The following NINL variants were observed in gnomAD, a reference collection of about 807,000 sequenced individuals.
The protein encoded by NINL is ninein-like protein.
Under a neutral mutation model 160.3 loss-of-function variants are expected in NINL, and 153 were observed. The observed-to-expected ratio is 0.95, with a 90% CI of 0.84 to 1.09. The LOEUF (loss-of-function observed/expected upper bound fraction) is 1.09, where lower values mean the gene tolerates loss of function less well. Ranked by LOEUF, NINL falls within the 50% of genes least tolerant of loss-of-function variation. The pLI is 0.00. For synonymous variants in NINL, 800 were observed against 734.8 expected (o/e 1.09, Z -1.43); for missense variants, 1,829 against 1,764.0 (o/e 1.04, Z -0.66).
At chr20:25,472,813 T>C (rs1299430105) in intron 17 of NINL, among the ~76,000 whole-genome samples, 3 of 152,302 alleles carry the variant, frequency 2.0e-5, no homozygotes, top group African/African-American at 4.8e-5. Flanking sequence ...GCTGGGACAA[T>C]GTTTTCTAAG....
chr20:25,569,362 T>C (rs2065029726), intron 1 of NINL, among the ~76,000 whole-genome samples: 1 of 152,122 alleles, frequency 6.6e-6, no homozygotes, highest in Admixed American at 6.5e-5. Flanking sequence ...TGCAGGTGCA[T>C]ACATGCCAAG....
chr20:25,492,126 G>A (rs756243948), intron 10 of NINL, among the ~76,000 whole-genome samples: 5 of 152,176 alleles, frequency 3.3e-5, no homozygotes, highest in Admixed American at 6.5e-5. Context: ...GACCAGCGAG[G>A]CTCCTACTTC....
At chr20:25,465,873 G>C (rs1228275894) in intron 19 of NINL, among the ~76,000 whole-genome samples, 1 of 152,118 alleles carries the variant, frequency 6.6e-6, no homozygotes, top group Non-Finnish European at 1.5e-5. Flanking sequence ...TGAGAATATG[G>C]TCTGAATACT....
intron 17 of NINL, among the ~76,000 whole-genome samples, chr20:25,473,494 T>TA (rs369224896): frequency 1.4e-5 from 2 of 142,124 alleles, no homozygotes; most frequent in African/African-American, 2.6e-5. Context: ...AATAATAAAA[T>TA]AAATAAAATA....
At position 25,548,271 on chromosome 20, in the gene NINL, G is replaced by A. The variant is rs552149654; in HGVS notation, c.-11-21673C>T. Among the ~76,000 whole-genome samples the A allele has an allele frequency of 5.9e-5, 9 of 152,288 alleles. No homozygotes were observed. In the East Asian group the frequency reaches 9.7e-4, roughly 16 times the overall value. On this transcript the variant is annotated intron_variant, in intron 1 of 23. Transcript: ENST00000278886. ...GCTATCAAATGAGGAAGCCAAACCTGATCCCAGGCACCTTTGTGCTCCAAA... is the reference window on the plus strand; with the variant it reads ...GCTATCAAATGAGGAAGCCAAACCTAATCCCAGGCACCTTTGTGCTCCAAA...
At chr20:25,584,397 T>C (rs2065205428) in intron 1 of NINL, among the ~76,000 whole-genome samples, 1 of 152,062 alleles carries the variant, frequency 6.6e-6, no homozygotes, top group South Asian at 2.1e-4. Context: ...GAGGCAGAGG[T>C]TGCAGTGAGC....
intron 11 of NINL, among the ~76,000 whole-genome samples, chr20:25,490,922 C>CAA (rs2063617857): frequency 6.6e-6 from 1 of 151,304 alleles, no homozygotes; most frequent in Non-Finnish European, 1.5e-5. Flanking sequence ...TATCAGGGGA[C>CAA]AGTTGTGAGA....
At chr20:25,465,955 A>G (rs1307425985) in intron 19 of NINL, among the ~76,000 whole-genome samples, 1 of 152,160 alleles carries the variant, frequency 6.6e-6, no homozygotes, top group Non-Finnish European at 1.5e-5. Flanking sequence ...CGGGAGATGC[A>G]CTTCCTTTTA....
At chr20:25,563,749 CTATGGAG>C (rs1262269094) in intron 1 of NINL, among the ~76,000 whole-genome samples, 1 of 152,016 alleles carries the variant, frequency 6.6e-6, no homozygotes, top group African/African-American at 2.4e-5. Context: ...AAGAGAGAGA[CTATGGAG>C]TAAAGAAAAT....
At chr20:25,496,487 TCTG>T (rs1476184413) in intron 10 of NINL, among the ~76,000 whole-genome samples, 173 bp downstream of exon 10, 1 of 152,198 alleles carries the variant, frequency 6.6e-6, no homozygotes, top group Non-Finnish European at 1.5e-5. Context: ...AGAGCAGGGC[TCTG>T]CTGCTTTCTC....
chr20:25,563,642 A>C (rs2064969185), intron 1 of NINL, among the ~76,000 whole-genome samples: 1 of 152,238 alleles, frequency 6.6e-6, no homozygotes, highest in Admixed American at 6.5e-5. Flanking sequence ...AACATATGCT[A>C]CCTACAAGAA....
At chr20:25,561,928 G>T (rs376895607) in intron 1 of NINL, among the ~76,000 whole-genome samples, 2 of 149,068 alleles carry the variant, frequency 1.3e-5, no homozygotes, top group Admixed American at 6.6e-5. Context: ...CAGGCCAGCC[G>T]CCCCGTCCGG....
chr20:25,523,054 T>C (rs2064291178), intron 2 of NINL, among the ~76,000 whole-genome samples: 1 of 152,194 alleles, frequency 6.6e-6, no homozygotes, highest in Non-Finnish European at 1.5e-5. Flanking sequence ...ATATAACCTA[T>C]GCTCATCCTC....
chr20:25,455,720 T>G lies in NINL; in HGVS notation c.3910A>C (p.Asn1304His). Residue 1304 changes from asparagine to histidine, a missense_variant, in exon 23 of 24, where the codon AAT becomes CAT. Asn to His is a moderately conservative substitution (Grantham distance 68). Transcript: ENST00000278886. ...TTCTCTTGGAGGAGCATTTCCATAT[T>G]CTTCAGAATCATCTCCGCCTCTTCC... Reference protein sequence around the residue: ...RVEEAEMILKNMEMLLQEKVD... With the variant: ...RVEEAEMILKHMEMLLQEKVD... 6.2e-7 allele frequency: 1 copy of G among 1,614,182 alleles called. No individual in the cohort carries two copies. The highest frequency in any genetic ancestry group is 1.3e-5 in the African/African-American group (1 of 75,062).
intron 1 of NINL, 34 bp from the exon 2 acceptor site, chr20:25,526,632 G>A (rs141651341): frequency 5.7e-6 from 9 of 1,587,214 alleles, no homozygotes; most frequent in Non-Finnish European, 7.8e-6. Context: ...AAAACATCAG[G>A]ACACTTTCCC....
intron 2 of NINL, among the ~76,000 whole-genome samples, chr20:25,526,199 G>A (rs2064354955): frequency 6.6e-6 from 1 of 152,138 alleles, no homozygotes; most frequent in Admixed American, 6.5e-5. Flanking sequence ...CAAACCTCTG[G>A]AAGTTACCAC....
chr20:25,559,777 TC>T (rs2064911831), intron 1 of NINL, among the ~76,000 whole-genome samples: 1 of 151,780 alleles, frequency 6.6e-6, no homozygotes. Flanking sequence ...TTTTTTTTTT[TC>T]TCGTTTTTTG....
At position 25,502,650 on chromosome 20, in the gene NINL, C is replaced by T. The variant is rs530804749; in HGVS notation, c.861+1302G>A. On this transcript the variant is annotated intron_variant, in intron 7 of 23. Coordinates refer to ENST00000278886, the MANE Select transcript of NINL (RefSeq NM_025176.6). ...CTGGATCTTGGAGGCAGATTTCTCA[C>T]AAATGGTTTAGCACCATCCCTCTTA... Among the ~76,000 whole-genome samples, 4 of 152,268 alleles carry T rather than the reference C, an allele frequency of 2.6e-5. No homozygotes were observed. The South Asian group carries it at 6.2e-4, about 24-fold the overall frequency.
chr20:25,462,516 G>A lies in NINL; in HGVS notation c.3449C>T (p.Ser1150Phe). The change falls in exon 20 of 24, where the codon TCC becomes TTC. Residue 1150 changes from serine to phenylalanine, a missense_variant. By Grantham distance (155) the Ser-to-Phe change is radical. Transcript: ENST00000278886. ...TTGAAGAACCCTGACATTGAGCTGG[G>A]ATAATTGATCCTTGTAGTTCTGATT... ...RQNQNYKDQL[S>F]QLNVRVLQLG... 1.2e-6 allele frequency: 2 copies of A among 1,614,056 alleles called. No homozygotes were observed. Among genetic ancestry groups the A allele is most frequent in the Non-Finnish European group, 1.7e-6 (2 of 1,180,004 alleles).
Sources: gnomAD v4.1 joint callset for allele counts (sites outside exome capture counted in the v4.1 genomes callset) on GRCh38, gnomAD v4.1.1 for gene constraint, MANE v1.5 for transcripts, NCBI Gene and HGNC (gene_info 2026-07-23, HGNC 2026-07-21) for gene names.